Variants in INPP5K observed in about 807,000 individuals in gnomAD.
INPP5K encodes inositol polyphosphate 5-phosphatase K.
Under a neutral mutation model 53.5 loss-of-function variants are expected in INPP5K, and 35 were observed. The ratio of observed to expected loss-of-function variants is 0.65; its 90% CI spans 0.50 to 0.87. The LOEUF (loss-of-function observed/expected upper bound fraction) is 0.87, where lower values mean the gene tolerates loss of function less well. INPP5K is among the 40% of genes least tolerant of loss of function. INPP5K has a pLI of 0.00. For synonymous variants in INPP5K, 253 were observed against 232.8 expected (o/e 1.09, Z -0.79); for missense variants, 550 against 586.2 (o/e 0.94, Z 0.64).
rs557085576 is a variant in INPP5K, at chr17:1,515,606, G to A, written c.44+850C>T. 46 of 985,460 alleles carry A rather than the reference G, an allele frequency of 4.7e-5. No homozygotes were observed. The South Asian group carries it at 1.9e-3, about 41-fold the overall frequency. The allele number at this position is 985,460 out of a possible 1,614,324, so 61.0% of individuals were successfully genotyped here. Reference sequence around the variant, plus strand: ...GAGATCTGGAATGGCAGAGGGTACAGGGGGATGGGAGAAAAGGGCAGTTAA... The same window carrying A: ...GAGATCTGGAATGGCAGAGGGTACAAGGGGATGGGAGAAAAGGGCAGTTAA... On this transcript the variant is annotated intron_variant, in intron 1 of 11. Transcript: ENST00000421807.
At chr17:1,513,428 A>G (rs1439486744) in intron 3 of INPP5K, 25 bp downstream of exon 3, 2 of 1,566,976 alleles carry the variant, frequency 1.3e-6, no homozygotes, top group East Asian at 2.2e-5. Context: ...CACAGTTGTC[A>G]AGTGCCAATG....
In INPP5K at chr17:1,495,493, G is replaced by A. The variant is rs924327392; in HGVS notation, c.*330C>T. The A allele has an allele frequency of 5.8e-5, 18 of 312,292 alleles. No homozygotes were observed. Among genetic ancestry groups the A allele is most frequent in the Admixed American group, 1.5e-4 (3 of 20,578 alleles). The allele number at this position is 312,292 out of a possible 1,614,324, so 19.3% of individuals were successfully genotyped here. A position where few individuals can be genotyped will look rare whatever the true frequency, so the allele number is the denominator to read the frequency against. ...TGCAGGCCTGTGCCAAATGGGGCATGTGCCTGGCAGGACTACTTGGGCAAG... is the reference window on the plus strand; with the variant it reads ...TGCAGGCCTGTGCCAAATGGGGCATATGCCTGGCAGGACTACTTGGGCAAG... On this transcript the variant is annotated 3_prime_UTR_variant, in exon 12 of 12. Coordinates refer to ENST00000421807, the MANE Select transcript of INPP5K (RefSeq NM_016532.4).
At position 1,498,053 on chromosome 17, in the gene INPP5K, G is replaced by A. The variant is rs1470484311; in HGVS notation, c.846C>T (p.Gly282=). Reference sequence around the variant, plus strand: ...ACGCCGGCGGTATGGGAGTGTCGGGGCCAGCACAGGGCTGCCGCTTCAGCC... The same window carrying A: ...ACGCCGGCGGTATGGGAGTGTCGGGACCAGCACAGGGCTGCCGCTTCAGCC... The part of the protein sequence containing the change: ...LWRLKRQPCA[G]PDTPIPPASH... The change falls in exon 8 of 12, where the codon GGC becomes GGT. Residue 282 remains glycine, a synonymous_variant. Coordinates refer to ENST00000421807, the MANE Select transcript of INPP5K (RefSeq NM_016532.4). 6.2e-7 allele frequency: 1 copy of A among 1,614,104 alleles called. No homozygotes were observed. The highest frequency in any genetic ancestry group is 8.5e-7 in the Non-Finnish European group (1 of 1,180,004).
chr17:1,504,459 G>A (rs1241841115), intron 7 of INPP5K, among the ~76,000 whole-genome samples: 1 of 152,200 alleles, frequency 6.6e-6, no homozygotes, highest in African/African-American at 2.4e-5. Context: ...AGCTGCCCCT[G>A]GATCCTGGCC....
At chr17:1,515,806 T>G in intron 1 of INPP5K, 1 of 764,548 alleles carries the variant, frequency 1.3e-6, no homozygotes, top group Non-Finnish European at 1.6e-6. Flanking sequence ...GAGCTTCATT[T>G]GTTTACGATC....
rs749539317 is a variant in INPP5K at position 1,499,487 on chromosome 17, T to C, written c.777-1365A>G. On this transcript the variant is annotated intron_variant, in intron 7 of 11. Transcript: ENST00000421807. ...TAGCCTGGGCGACAGAGCAAGACTC[T>C]ATCTCCAAAAAAAAAGGAGTCGACT... 4.9e-4 allele frequency among the ~76,000 whole-genome samples: 74 copies of C among 152,172 alleles called. 2 individuals carry two copies. The highest frequency in any genetic ancestry group is 2.7e-3 in the Admixed American group (42 of 15,284).
chr17:1,512,705 C>G (rs556567446), intron 3 of INPP5K, among the ~76,000 whole-genome samples: 2 of 152,250 alleles, frequency 1.3e-5, no homozygotes, highest in South Asian at 4.1e-4. Context: ...TCTAAAGACA[C>G]CCCAGAGTAT....
At chr17:1,511,891 C>A (rs1050247809) in intron 3 of INPP5K, among the ~76,000 whole-genome samples, 2 of 151,562 alleles carry the variant, frequency 1.3e-5, no homozygotes, top group African/African-American at 4.9e-5. Flanking sequence ...GGGGTCGGGG[C>A]AGGACAGAGT....
At chr17:1,505,622 C>T (rs2075135511) in intron 7 of INPP5K, among the ~76,000 whole-genome samples, 1 of 152,122 alleles carries the variant, frequency 6.6e-6, no homozygotes, top group South Asian at 2.1e-4. Flanking sequence ...ACTGCTGAAT[C>T]GGCTCACTCT....
Position 1,507,078 on chromosome 17 carries a change from G to T in INPP5K, c.678C>A (p.Ala226=), listed in dbSNP as rs2075176197. The change falls in exon 7 of 12, where the codon GCC becomes GCA. Residue 226 remains alanine (A), a synonymous_variant. Transcript: ENST00000421807. ...CCCGGAGCAGCGGGTCATGTTTCTT[G>T]GCAATGCTGAGCTGCAGACAAAGTC... is the stretch of plus-strand genomic sequence containing the variant. ...GLWEKDQLSI[A]KKHDPLLREF... 9.3e-6 allele frequency: 15 copies of T among 1,613,796 alleles called. No homozygotes were observed. The highest frequency in any genetic ancestry group is 1.3e-5 in the Non-Finnish European group (15 of 1,179,896).
intron 7 of INPP5K, among the ~76,000 whole-genome samples, chr17:1,499,457 C>T (rs139810146): frequency 2.3e-3 from 351 of 152,230 alleles, no homozygotes; most frequent in Middle Eastern, 0.014. Flanking sequence ...CATACCACGG[C>T]ACTCTAGCCT....
intron 3 of INPP5K, among the ~76,000 whole-genome samples, chr17:1,512,671 G>A (rs2075336313): frequency 6.6e-6 from 1 of 152,124 alleles, no homozygotes; most frequent in South Asian, 2.1e-4. Context: ...GCAACCCAGG[G>A]CCTTCCTGTG....
In INPP5K at chr17:1,496,307, C is replaced by T; in HGVS notation, c.1185+12G>A. 4 of 1,555,856 alleles carry T rather than the reference C, an allele frequency of 2.6e-6. No homozygotes were observed. Among genetic ancestry groups the T allele is most frequent in the Non-Finnish European group, 3.5e-6 (4 of 1,148,522 alleles). On this transcript the variant is annotated intron_variant, in intron 10 of 11. Transcript: ENST00000421807. ...CTGCCTGCTGGTGATGTACCTGGTG[C>T]TGGTGACGTACCTGGTTCAGGTTGT...
chr17:1,504,769 T>C (rs2075114580), intron 7 of INPP5K, among the ~76,000 whole-genome samples: 1 of 152,226 alleles, frequency 6.6e-6, no homozygotes, highest in Non-Finnish European at 1.5e-5. Context: ...TGAGCTGTTA[T>C]TTGGAAATAG....
At chr17:1,516,373 G>A in intron 1 of INPP5K, 83 bp downstream of exon 1, 2 of 1,407,012 alleles carry the variant, frequency 1.4e-6, no homozygotes, top group Non-Finnish European at 9.6e-7. Context: ...TGGAGGTCTG[G>A]TGCCTTGTCC....
At chr17:1,504,511 CCAGA>C (rs1389743375) in intron 7 of INPP5K, among the ~76,000 whole-genome samples, 2 of 152,232 alleles carry the variant, frequency 1.3e-5, no homozygotes, top group East Asian at 1.9e-4. Flanking sequence ...CTGTTCCCGC[CCAGA>C]CAGTCTTGCA....
intron 5 of INPP5K, 189 bp downstream of exon 5, chr17:1,508,989 C>G (rs2075235716): frequency 1.7e-5 from 9 of 529,288 alleles, no homozygotes; most frequent in Non-Finnish European, 3.3e-6. Flanking sequence ...GTCTGCAGAC[C>G]CAGGCTCACT....
At chr17:1,515,200 C>T (rs990819598) in intron 1 of INPP5K, among the ~76,000 whole-genome samples, 6 of 152,176 alleles carry the variant, frequency 3.9e-5, no homozygotes, top group South Asian at 4.1e-4. Flanking sequence ...TGAGCCACCG[C>T]GCCCGGCCAA....
intron 1 of INPP5K, chr17:1,516,023 AC>A (rs752898959): frequency 1.3e-5 from 13 of 1,013,070 alleles, no homozygotes; most frequent in Non-Finnish European, 1.5e-5. Context: ...CAGGCAAGAG[AC>A]CAGGCTAAGT....
Sources: gnomAD v4.1 joint callset for allele counts (sites outside exome capture counted in the v4.1 genomes callset) on GRCh38, gnomAD v4.1.1 for gene constraint, MANE v1.5 for transcripts, NCBI Gene and HGNC (gene_info 2026-07-23, HGNC 2026-07-21) for gene names.